Variants in ATP9B observed in about 807,000 individuals in gnomAD.
The protein encoded by ATP9B is probable phospholipid-transporting ATPase IIB.
ATP9B carries 110 observed loss-of-function variants against 146.1 expected under a neutral mutation model. The observed-to-expected ratio is 0.75, with a 90% CI of 0.65 to 0.88. The LOEUF is 0.88. Ranked by LOEUF, ATP9B falls within the 40% of genes least tolerant of loss-of-function variation. The probability of loss-of-function intolerance (pLI) is 0.00; values close to 1 mark genes in which losing one functional copy is unlikely to be tolerated. For missense variants in ATP9B, 1,499 were observed against 1,496.4 expected, an observed-to-expected ratio of 1.00 and a Z score of -0.03; for synonymous variants, 604 against 569.7, an observed-to-expected ratio of 1.06 and a Z score of -0.86.
chr18:79,264,745 C>T (rs527656624), intron 12 of ATP9B, among the ~76,000 whole-genome samples: 8 of 151,984 alleles, frequency 5.3e-5, no homozygotes, highest in African/African-American at 1.9e-4. Flanking sequence ...ATTGTCTCAG[C>T]ACCAGTTATA....
chr18:79,090,803 A>G (rs1455552984), intron 1 of ATP9B, among the ~76,000 whole-genome samples: 2 of 152,038 alleles, frequency 1.3e-5, no homozygotes, highest in Non-Finnish European at 2.9e-5. Context: ...TCGTTTGTCC[A>G]TGTTTGCTTT....
chr18:79,323,862 A>T (rs1395115205), intron 15 of ATP9B, among the ~76,000 whole-genome samples: 1 of 152,108 alleles, frequency 6.6e-6, no homozygotes, highest in Non-Finnish European at 1.5e-5. Flanking sequence ...CTGTGTTTAG[A>T]TTGGGGGTAA....
intron 6 of ATP9B, chr18:79,144,389 A>G (rs2094551526): frequency 6.6e-6 from 1 of 152,324 alleles, no homozygotes; most frequent in African/African-American, 2.4e-5. Flanking sequence ...CAATTTTTCC[A>G]TGGACCAAGG....
intron 3 of ATP9B, among the ~76,000 whole-genome samples, chr18:79,112,965 TA>T (rs1020355327): frequency 6.6e-6 from 1 of 152,070 alleles, no homozygotes; most frequent in Non-Finnish European, 1.5e-5. Flanking sequence ...ATAAGAAAAA[TA>T]AAAAAACTTT....
chr18:79,217,258 C>T (rs1056118270), intron 11 of ATP9B, among the ~76,000 whole-genome samples: 7 of 152,208 alleles, frequency 4.6e-5, no homozygotes, highest in African/African-American at 1.7e-4. Flanking sequence ...AATCTCGGCT[C>T]ACTGCAAACT....
At chr18:79,098,088 A>G (rs1019506410) in intron 2 of ATP9B, among the ~76,000 whole-genome samples, 2 of 140,798 alleles carry the variant, frequency 1.4e-5, no homozygotes, top group African/African-American at 5.2e-5. Context: ...AACGCCACAT[A>G]CCTACAACTA....
intron 2 of ATP9B, among the ~76,000 whole-genome samples, chr18:79,100,326 T>A (rs952267422): frequency 1.3e-5 from 2 of 152,228 alleles, no homozygotes; most frequent in Non-Finnish European, 2.9e-5. Context: ...GTTCATGGTT[T>A]GCTTGTTTGT....
intron 11 of ATP9B, among the ~76,000 whole-genome samples, chr18:79,220,631 T>A (rs2148481449): frequency 6.6e-6 from 1 of 152,234 alleles, no homozygotes; most frequent in East Asian, 1.9e-4. Flanking sequence ...TTAAAAAAAA[T>A]ACAGCCACTA....
At chr18:79,093,155 A>G (rs565992517) in intron 1 of ATP9B, among the ~76,000 whole-genome samples, 3 of 152,090 alleles carry the variant, frequency 2.0e-5, no homozygotes, top group Non-Finnish European at 4.4e-5. Flanking sequence ...TATGCAATCC[A>G]TTGTTGACTG....
intron 4 of ATP9B, among the ~76,000 whole-genome samples, chr18:79,121,542 C>A (rs1007790766): frequency 2.0e-5 from 3 of 152,178 alleles, no homozygotes; most frequent in Non-Finnish European, 4.4e-5. Flanking sequence ...TAAACTCTTA[C>A]GGGTAGAGGC....
At chr18:79,332,074 G>A (rs1039392254) in intron 17 of ATP9B, among the ~76,000 whole-genome samples, 21 of 152,340 alleles carry the variant, frequency 1.4e-4, no homozygotes, top group African/African-American at 4.3e-4. Context: ...CATTGTGTAT[G>A]TTACATGAAT....
chr18:79,070,285 C>T (rs2146332989), intron 1 of ATP9B, among the ~76,000 whole-genome samples: 2 of 152,310 alleles, frequency 1.3e-5, no homozygotes, highest in East Asian at 3.9e-4. Flanking sequence ...TATGTAGTTG[C>T]TTCAGAATTT....
At chr18:79,226,793 C>G (rs373675513) in intron 11 of ATP9B, among the ~76,000 whole-genome samples, 5 of 152,184 alleles carry the variant, frequency 3.3e-5, no homozygotes, top group African/African-American at 9.7e-5. Context: ...TTGCAGTGCT[C>G]TACGGGATAA....
chr18:79,337,478 C>T lies in ATP9B; in HGVS notation c.2283+29C>T, dbSNP rs745718543. The T allele has an allele frequency of 1.3e-5, 21 of 1,593,640 alleles. No individual in the cohort carries two copies. The East Asian group carries it at 2.5e-4, about 19-fold the overall frequency. ...CTGCAGGCTCACCTCTGCTGGCGCGCGCTGCTTTTGCTGAAGCAAACAGTG... is the reference window on the plus strand; with the variant it reads ...CTGCAGGCTCACCTCTGCTGGCGCGTGCTGCTTTTGCTGAAGCAAACAGTG... On this transcript the variant is annotated intron_variant, in intron 19 of 29. Coordinates refer to ENST00000426216, the MANE Select transcript of ATP9B (RefSeq NM_198531.5).
chr18:79,137,924 G>T (rs1029867810), intron 5 of ATP9B, among the ~76,000 whole-genome samples: 1 of 152,188 alleles, frequency 6.6e-6, no homozygotes, highest in African/African-American at 2.4e-5. Flanking sequence ...TGTCACTAAT[G>T]TAGCACAGGT....
intron 4 of ATP9B, among the ~76,000 whole-genome samples, chr18:79,118,384 G>GTTTTTTTTTTTTTTTTTTTTTTT (rs1304879263): frequency 1.4e-5 from 1 of 73,490 alleles, no homozygotes; most frequent in African/African-American, 5.4e-5. Context: ...CATATTGAAC[G>GTTTTTTTTTTTTTTTTTTTTTTT]TTTTTGTTTT....
intron 11 of ATP9B, 82 bp downstream of exon 11, chr18:79,214,120 A>C: frequency 8.2e-4 from 757 of 928,224 alleles, no homozygotes; most frequent in Non-Finnish European, 1.1e-3. Context: ...TGAATAGCTC[A>C]TTCTTTTGGC....
intron 8 of ATP9B, among the ~76,000 whole-genome samples, chr18:79,178,935 GTTAT>G (rs1600209208): frequency 6.6e-6 from 1 of 152,076 alleles, no homozygotes; most frequent in South Asian, 2.1e-4. Context: ...TAAAATTGGC[GTTAT>G]TTATTTTTTA....
intron 1 of ATP9B, among the ~76,000 whole-genome samples, chr18:79,070,997 C>T (rs2071675643): frequency 2.7e-5 from 4 of 147,638 alleles, no homozygotes; most frequent in African/African-American, 7.5e-5. Context: ...TATAAGTGTG[C>T]CATTTATTAT....
Sources: gnomAD v4.1 joint callset for allele counts (sites outside exome capture counted in the v4.1 genomes callset) on GRCh38, gnomAD v4.1.1 for gene constraint, MANE v1.5 for transcripts, NCBI Gene and HGNC (gene_info 2026-07-23, HGNC 2026-07-21) for gene names.